The following LDB2 variants were observed in gnomAD, a reference collection of about 807,000 sequenced individuals.
LDB2 encodes the protein LIM domain binding 2, also known as LIM domain-binding protein 2.
A neutral mutation model predicts 44.3 loss-of-function variants in LDB2; 12 were observed. That is an observed-to-expected ratio of 0.27 (90% CI 0.17 to 0.44). The LOEUF is 0.44. Ranked by LOEUF, LDB2 falls within the 20% of genes least tolerant of loss-of-function variation. LDB2 has a pLI of 1.00. For missense variants in LDB2, 344 were observed against 473.5 expected (o/e 0.73, Z 2.54); for synonymous variants, 164 against 174.8 (o/e 0.94, Z 0.49).
intron 5 of LDB2, among the ~76,000 whole-genome samples, chr4:16,560,781 C>T (rs1409792576): frequency 6.6e-6 from 1 of 152,182 alleles, no homozygotes; most frequent in African/African-American, 2.4e-5. Context: ...GAATTTTAGA[C>T]CAATATCCTT....
At chr4:16,504,430 A>G (rs1173812222) in intron 7 of LDB2, among the ~76,000 whole-genome samples, 3 of 152,236 alleles carry the variant, frequency 2.0e-5, no homozygotes, top group Non-Finnish European at 4.4e-5. Context: ...ATAGATAAAA[A>G]TGATTTTAAA....
intron 1 of LDB2, among the ~76,000 whole-genome samples, chr4:16,894,343 A>G (rs148872240): frequency 6.1e-4 from 93 of 152,276 alleles, no homozygotes; most frequent in African/African-American, 2.1e-3. Context: ...CAGTGATGCT[A>G]ACCTCAGAAT....
intron 5 of LDB2, among the ~76,000 whole-genome samples, chr4:16,573,955 A>G (rs931682370): frequency 1.3e-5 from 2 of 152,168 alleles, no homozygotes; most frequent in Admixed American, 1.3e-4. Flanking sequence ...ATAAGAAACA[A>G]AAAACCTCGG....
At chr4:16,512,418 A>T (rs1020233258) in intron 5 of LDB2, among the ~76,000 whole-genome samples, 2 of 150,608 alleles carry the variant, frequency 1.3e-5, no homozygotes, top group African/African-American at 4.9e-5. Context: ...CTCTATTCTG[A>T]ATTCAAATAA....
chr4:16,609,410 G>C (rs184816817), intron 2 of LDB2, among the ~76,000 whole-genome samples: 277 of 152,030 alleles, frequency 1.8e-3, no homozygotes, highest in African/African-American at 6.2e-3. Flanking sequence ...GAGCTCCTTG[G>C]GGGAGGGGCA....
intron 2 of LDB2, among the ~76,000 whole-genome samples, chr4:16,665,965 A>G (rs1405726015): frequency 1.3e-5 from 2 of 152,194 alleles, no homozygotes; most frequent in African/African-American, 4.8e-5. Context: ...ATTGCCTACA[A>G]TACAAGAAGC....
At chr4:16,530,349 C>T (rs1377517902) in intron 5 of LDB2, among the ~76,000 whole-genome samples, 28 of 152,310 alleles carry the variant, frequency 1.8e-4, no homozygotes, top group Admixed American at 1.8e-3. Context: ...TCAGTTGGGT[C>T]TAGTCTCAAA....
At chr4:16,865,179 G>A (rs115822225) in intron 1 of LDB2, among the ~76,000 whole-genome samples, 3,532 of 152,236 alleles carry the variant, frequency 0.023, 56 homozygotes, top group African/African-American at 0.037. Context: ...TTGAAGCTTG[G>A]GGGTGGAGGT....
intron 3 of LDB2, among the ~76,000 whole-genome samples, chr4:16,592,743 T>C (rs1719579187): frequency 6.6e-6 from 1 of 151,822 alleles, no homozygotes; most frequent in African/African-American, 2.4e-5. Flanking sequence ...AGAGAAAACA[T>C]AAACCAATCT....
At chr4:16,786,804 C>T (rs1445831224) in intron 1 of LDB2, among the ~76,000 whole-genome samples, 3 of 152,148 alleles carry the variant, frequency 2.0e-5, no homozygotes, top group South Asian at 4.1e-4. Flanking sequence ...AATACATATG[C>T]CTTGTCAGAA....
intron 1 of LDB2, among the ~76,000 whole-genome samples, chr4:16,885,660 T>C: frequency 6.6e-6 from 1 of 152,242 alleles, no homozygotes; most frequent in East Asian, 1.9e-4. Context: ...AAGCTTCCTC[T>C]TCCCAGTATG....
chr4:16,665,679 A>C (rs2152546927), intron 2 of LDB2, among the ~76,000 whole-genome samples: 1 of 152,328 alleles, frequency 6.6e-6, no homozygotes, highest in African/African-American at 2.4e-5. Context: ...GACAGGGGGA[A>C]GAAAAAGAGT....
chr4:16,569,758 G>T (rs1577837490), intron 5 of LDB2, among the ~76,000 whole-genome samples: 1 of 152,120 alleles, frequency 6.6e-6, no homozygotes, highest in East Asian at 1.9e-4. Context: ...TGTGGTAGTT[G>T]TTAATATTTC....
chr4:16,681,424 A>G (rs533981313), intron 2 of LDB2, among the ~76,000 whole-genome samples: 1 of 152,262 alleles, frequency 6.6e-6, no homozygotes, highest in African/African-American at 2.4e-5. Flanking sequence ...AGCTGAAACC[A>G]TGACTTGGGC....
intron 2 of LDB2, among the ~76,000 whole-genome samples, chr4:16,707,830 C>T (rs747201730): frequency 3.5e-4 from 53 of 152,194 alleles, no homozygotes; most frequent in African/African-American, 1.1e-3. Flanking sequence ...AAAAATACAT[C>T]GTGAAAAAAT....
intron 1 of LDB2, among the ~76,000 whole-genome samples, chr4:16,775,039 A>C (rs1349868084): frequency 1.3e-5 from 2 of 152,238 alleles, no homozygotes; most frequent in African/African-American, 4.8e-5. Context: ...CCAGACACAA[A>C]AGGCCATATA....
chr4:16,608,678 C>G (rs940519763), intron 2 of LDB2, among the ~76,000 whole-genome samples: 7 of 152,210 alleles, frequency 4.6e-5, no homozygotes, highest in African/African-American at 1.7e-4. Flanking sequence ...CCGCCATTAT[C>G]CCATCATTCT....
intron 5 of LDB2, among the ~76,000 whole-genome samples, chr4:16,573,103 C>T (rs1747156728): frequency 6.6e-6 from 1 of 152,178 alleles, no homozygotes; most frequent in Non-Finnish European, 1.5e-5. Flanking sequence ...CCCAGGAAAA[C>T]GTTGCTGCGG....
chr4:16,812,861 T>G (rs1780166925), intron 1 of LDB2, among the ~76,000 whole-genome samples: 1 of 151,964 alleles, frequency 6.6e-6, no homozygotes, highest in Admixed American at 6.6e-5. Context: ...CGCTAAATAT[T>G]ATGCCAACAT....
Sources: allele counts gnomAD v4.1 joint callset (sites outside exome capture counted in the v4.1 genomes callset), GRCh38; gene constraint gnomAD v4.1.1; transcripts MANE v1.5; gene names NCBI Gene and HGNC (gene_info 2026-07-23, HGNC 2026-07-21).